ENG: variants seen among roughly 807,000 people sequenced by gnomAD.
ENG encodes endoglin.
Under a neutral mutation model 71.0 loss-of-function variants are expected in ENG, and 17 were observed. That is an observed-to-expected ratio of 0.24 (90% CI 0.16 to 0.36). The LOEUF is 0.36. ENG is among the 10% of genes least tolerant of loss of function. The pLI, the probability that ENG is intolerant of heterozygous loss-of-function variation, is 1.00. For synonymous variants in ENG, 360 were observed against 366.9 expected, an observed-to-expected ratio of 0.98 and a Z score of 0.21; for missense variants, 749 against 868.3, an observed-to-expected ratio of 0.86 and a Z score of 1.73.
At chr9:127,817,387 C>T (rs1000834647) in intron 12 of ENG, 184 bp from the exon 13 acceptor site, 16 of 666,560 alleles carry the variant, frequency 2.4e-5, no homozygotes, top group African/African-American at 1.4e-4. Flanking sequence ...GCCTAGTGGA[C>T]GATCCCTGGC....
chr9:127,819,238 T>C (rs1477697486), intron 10 of ENG: 9 of 144,686 alleles, frequency 6.2e-5, no homozygotes, highest in Admixed American at 2.8e-4. Flanking sequence ...CGCCCGGCCC[T>C]TTTTTTTTTT....
intron 1 of ENG, among the ~76,000 whole-genome samples, chr9:127,844,435 A>G (rs1474118998): frequency 6.8e-6 from 1 of 146,790 alleles, no homozygotes; most frequent in African/African-American, 2.5e-5. Flanking sequence ...CCTATTTTTT[A>G]TTTTTTTGAG....
At position 127,838,242 on chromosome 9, in the gene ENG, C is replaced by T. The variant is rs1201274207; in HGVS notation, c.219+4852G>A. The stretch of plus-strand genomic sequence containing the variant: ...CAGAGCCATTTGGGATTTTGGGGTC[C>T]TGGGTACCCAGAGCATCATCTAGAA... On this transcript the variant is annotated intron_variant, in intron 2 of 14. Coordinates refer to ENST00000373203, the MANE Select transcript of ENG (RefSeq NM_001114753.3). This position sits in a 1 kb window ranked among gnomAD's most constrained non-coding sequence, Gnocchi z 4.3. 6.6e-6 allele frequency among the ~76,000 whole-genome samples: 1 copy of T among 152,156 alleles called. No individual in the cohort carries two copies. Among genetic ancestry groups the T allele is most frequent in the Non-Finnish European group, 1.5e-5 (1 of 68,034 alleles).
At position 127,836,546 on chromosome 9, in the gene ENG, C is replaced by T. The variant is rs966368979; in HGVS notation, c.219+6548G>A. Among the ~76,000 whole-genome samples, 3 of 152,226 alleles carry T rather than the reference C, an allele frequency of 2.0e-5. No homozygotes were observed. The highest frequency in any genetic ancestry group is 7.2e-5 in the African/African-American group (3 of 41,464). On this transcript the variant is annotated intron_variant, in intron 2 of 14. Coordinates refer to ENST00000373203, the MANE Select transcript of ENG (RefSeq NM_001114753.3). This position sits in a 1 kb window ranked among gnomAD's most constrained non-coding sequence, Gnocchi z 4.0. The stretch of plus-strand genomic sequence containing the variant: ...AGATTGGAGCCAGCCGTCCCTCTGT[C>T]CACCCCAGAAAACTCAGATGGTCCT...
At position 127,839,317 on chromosome 9, in the gene ENG, A is replaced by G. The variant is rs41364147; in HGVS notation, c.219+3777T>C. On this transcript the variant is annotated intron_variant, in intron 2 of 14. Transcript: ENST00000373203. ...AGTGGCACCTGGTGAGGGCTGCGCA[A>G]TGGGGACTATGAGCTCTAGACCCCA... Among the ~76,000 whole-genome samples the G allele has an allele frequency of 9.2e-3, 1,406 of 152,224 alleles. 14 individuals are homozygous for G. The highest frequency in any genetic ancestry group is 0.023 in the South Asian group (113 of 4,828).
Position 127,854,295 on chromosome 9 carries a change from G to T in ENG, c.61C>A (p.Pro21Thr). Reference protein sequence around the residue: ...ALLLASCSLSPTSLAETVHCD... With the variant: ...ALLLASCSLSTTSLAETVHCD... ...TGGGTCCCTGGACACCTACTTGTGG[G>T]GCTGAGGCTGCAGCTGGCCAGCAGC... Residue 21 changes from proline (P) to threonine (T), a missense_variant, in exon 1 of 15, where the codon CCC becomes ACC. Transcript: ENST00000373203. The T allele has an allele frequency of 6.3e-7, 1 of 1,588,846 alleles. No homozygotes were observed. The highest frequency in any genetic ancestry group is 1.1e-5 in the South Asian group (1 of 87,108).
intron 1 of ENG, among the ~76,000 whole-genome samples, chr9:127,850,039 A>G (rs1831253278): frequency 6.6e-6 from 1 of 152,196 alleles, no homozygotes; most frequent in Non-Finnish European, 1.5e-5. Context: ...CTCCTGCCAC[A>G]GGGGTTGAAG....
Position 127,841,861 on chromosome 9 carries a change from G to A in ENG, c.219+1233C>T, listed in dbSNP as rs41513352. ...TCCCCAGGGATCTGGTGTGAACTCTGGCCCTGGGCACGTCACTCCATCGCT... is the reference window on the plus strand; with the variant it reads ...TCCCCAGGGATCTGGTGTGAACTCTAGCCCTGGGCACGTCACTCCATCGCT... On this transcript the variant is annotated intron_variant, in intron 2 of 14. Coordinates refer to ENST00000373203, the MANE Select transcript of ENG (RefSeq NM_001114753.3). Among the ~76,000 whole-genome samples the A allele has an allele frequency of 4.1e-3, 625 of 152,316 alleles. 9 individuals are homozygous for A. The highest frequency in any genetic ancestry group is 0.014 in the African/African-American group (599 of 41,572).
At chr9:127,828,599 C>T (rs1364390825) in intron 3 of ENG, among the ~76,000 whole-genome samples, 1 of 152,162 alleles carries the variant, frequency 6.6e-6, no homozygotes, top group Non-Finnish European at 1.5e-5. Flanking sequence ...ATGGTAAAGG[C>T]CACGCCCCCT....
Position 127,816,062 on chromosome 9 carries a change from G to A in ENG, c.1742-9C>T, listed in dbSNP as rs1362579633. ...GCCTTTGCTTGTGCAACCTAGAGAG[G>A]GCCGACGCCATCAGCACTGCCACTC... On this transcript the variant is annotated splice_polypyrimidine_tract_variant and intron_variant, in intron 13 of 14. Transcript: ENST00000373203. The A allele has an allele frequency of 6.2e-7, 1 of 1,607,502 alleles. No individual in the cohort carries two copies. Among genetic ancestry groups the A allele is most frequent in the Non-Finnish European group, 8.5e-7 (1 of 1,178,288 alleles).
chr9:127,824,796 T>A lies in ENG; in HGVS notation c.991+4A>T. Reference sequence around the variant, plus strand: ...GAAGGGAGGGGCAGGGGAAGGGTGCTCACCGCAGCTGGAGGCATGAAGTGA... The same window carrying A: ...GAAGGGAGGGGCAGGGGAAGGGTGCACACCGCAGCTGGAGGCATGAAGTGA... On this transcript the variant is annotated splice_donor_region_variant and intron_variant, in intron 7 of 14. Transcript: ENST00000373203. The A allele has an allele frequency of 6.5e-7, 1 of 1,550,320 alleles. No homozygotes were observed. Among genetic ancestry groups the A allele is most frequent in the South Asian group, 1.2e-5 (1 of 80,858 alleles).
Position 127,824,790 on chromosome 9 carries a change from G to A in ENG, c.991+10C>T, listed in dbSNP as rs1464533881. 1.3e-6 allele frequency: 2 copies of A among 1,543,058 alleles called. No homozygotes were observed. The highest frequency in any genetic ancestry group is 8.7e-7 in the Non-Finnish European group (1 of 1,145,272). Reference sequence around the variant, plus strand: ...GGAAGGGAAGGGAGGGGCAGGGGAAGGGTGCTCACCGCAGCTGGAGGCATG... The same window carrying A: ...GGAAGGGAAGGGAGGGGCAGGGGAAAGGTGCTCACCGCAGCTGGAGGCATG... On this transcript the variant is annotated intron_variant, in intron 7 of 14. Transcript: ENST00000373203.
At chr9:127,849,746 C>A (rs1831247931) in intron 1 of ENG, among the ~76,000 whole-genome samples, 1 of 152,196 alleles carries the variant, frequency 6.6e-6, no homozygotes, top group Non-Finnish European at 1.5e-5. Context: ...AGATCCCCAT[C>A]CTCTCCACTG....
intron 2 of ENG, among the ~76,000 whole-genome samples, chr9:127,837,754 C>T (rs1830936353): frequency 6.6e-6 from 1 of 150,700 alleles, no homozygotes; most frequent in Non-Finnish European, 1.5e-5. Flanking sequence ...ATCCATCCAT[C>T]CTCTCATCCA....
rs1219818546 is a variant in ENG at position 127,818,271 on chromosome 9, G to A, written c.1535C>T (p.Ala512Val). ...GTVELIQGRA[A>V]KGNCVSLLSP... ...CAGCAGGCTCACACAGTTGCCCTTG[G>A]CCGCCCGGCCCTGGATGAGTTCCAC... The change falls in exon 12 of 15, where the codon GCC (alanine) becomes GTC (valine). Residue 512 changes from alanine (A) to valine (V), a missense_variant. Transcript: ENST00000373203. 2 of 1,614,056 alleles carry A rather than the reference G, an allele frequency of 1.2e-6. No individual in the cohort carries two copies. Among genetic ancestry groups the A allele is most frequent in the Non-Finnish European group, 1.7e-6 (2 of 1,180,038 alleles).
At position 127,844,065 on chromosome 9, in the gene ENG, C is replaced by T. The variant is rs780150343; in HGVS notation, c.68-820G>A. On this transcript the variant is annotated intron_variant, in intron 1 of 14. Coordinates refer to ENST00000373203, the MANE Select transcript of ENG (RefSeq NM_001114753.3). The stretch of plus-strand genomic sequence containing the variant: ...GGATTACAGGCGTGAGCCACCGTGC[C>T]CGGCCAGCCTCCTATATTTTTATTT... Among the ~76,000 whole-genome samples, 66 of 149,536 alleles carry T rather than the reference C, an allele frequency of 4.4e-4. 1 individual carries two copies. Among genetic ancestry groups the T allele is most frequent in the South Asian group, 4.2e-3 (20 of 4,754 alleles).
At chr9:127,841,663 A>G (rs1454684109) in intron 2 of ENG, among the ~76,000 whole-genome samples, 2 of 152,194 alleles carry the variant, frequency 1.3e-5, no homozygotes, top group Non-Finnish European at 2.9e-5. Context: ...ACGCAAGGCA[A>G]CTTAACAGTT....
intron 9 of ENG, 78 bp from the exon 10 acceptor site, chr9:127,819,738 G>A: frequency 1.9e-6 from 3 of 1,584,864 alleles, no homozygotes; most frequent in Non-Finnish European, 2.6e-6. Context: ...GCCCATTTTT[G>A]CAGATGGGGA....
At chr9:127,821,899 A>T (rs1182297881) in intron 8 of ENG, among the ~76,000 whole-genome samples, 6 of 149,324 alleles carry the variant, frequency 4.0e-5, no homozygotes, top group African/African-American at 1.2e-4. Flanking sequence ...AAAAAAAAAA[A>T]AAAAGCCAGG....
Sources: allele counts gnomAD v4.1 joint callset (sites outside exome capture counted in the v4.1 genomes callset), GRCh38; gene constraint gnomAD v4.1.1; non-coding constraint Gnocchi (gnomAD v3.1); transcripts MANE v1.5; gene names NCBI Gene and HGNC (gene_info 2026-07-23, HGNC 2026-07-21).